Variants in ZNF726 observed in about 807,000 individuals in gnomAD.
The protein encoded by ZNF726 is zinc finger protein 726.
In ZNF726, 15 loss-of-function variants were observed where a neutral mutation model predicts 11.6. The observed-to-expected ratio is 1.29, with a 90% CI of 0.86 to 1.99. The LOEUF (loss-of-function observed/expected upper bound fraction) is 1.99, where lower values mean the gene tolerates loss of function less well. ZNF726 is among the 30% of genes most tolerant of loss of function. The pLI is 0.00. For missense variants in ZNF726, 890 were observed against 725.6 expected (o/e 1.23, Z -2.60); for synonymous variants, 295 against 243.6 (o/e 1.21, Z -1.96).
Position 23,934,336 on chromosome 19 carries a change from T to A in ZNF726, c.*369T>A, listed in dbSNP as rs1170667086. On this transcript the variant is annotated 3_prime_UTR_variant, in exon 4 of 4. Transcript: ENST00000594466. ...AGGAATGTGGCAAAGCCTTTAAATG[T>A]TCCTCAACTGTTACTGAACATAAAG... 3.5e-6 allele frequency: 2 copies of A among 565,724 alleles called. No individual in the cohort carries two copies. The highest frequency in any genetic ancestry group is 7.0e-6 in the Non-Finnish European group (2 of 285,006). The allele number at this position is 565,724 out of a possible 1,614,324, so 35.0% of individuals were successfully genotyped here. A position where few individuals can be genotyped will look rare whatever the true frequency, so the allele number is the denominator to read the frequency against.
intron 3 of ZNF726, among the ~76,000 whole-genome samples, chr19:23,925,439 A>G (rs1967961654): frequency 6.6e-6 from 1 of 151,744 alleles, no homozygotes; most frequent in Non-Finnish European, 1.5e-5. Context: ...GGATTCACCC[A>G]CCTCTGCCTC....
intron 3 of ZNF726, among the ~76,000 whole-genome samples, chr19:23,942,457 G>A (rs1053767757): frequency 1.3e-5 from 2 of 152,102 alleles, no homozygotes. Flanking sequence ...TAAATGTTTT[G>A]TATATACCTG....
At chr19:23,925,070 G>T (rs1967950498) in intron 3 of ZNF726, among the ~76,000 whole-genome samples, 1 of 152,194 alleles carries the variant, frequency 6.6e-6, no homozygotes, top group African/African-American at 2.4e-5. Context: ...TTTTACAAGT[G>T]TAATTGTCTT....
At chr19:23,942,984 C>A (rs1968361839) in intron 3 of ZNF726, among the ~76,000 whole-genome samples, 1 of 152,112 alleles carries the variant, frequency 6.6e-6, no homozygotes, top group African/African-American at 2.4e-5. Flanking sequence ...TTACATTCAT[C>A]ATGCTCTTTG....
At chr19:23,926,377 A>G (rs952425633) in intron 3 of ZNF726, among the ~76,000 whole-genome samples, 34 of 151,592 alleles carry the variant, frequency 2.2e-4, no homozygotes, top group Non-Finnish European at 3.7e-4. Context: ...ACGTGGTGAA[A>G]CCCCGTCTCT....
Position 23,933,004 on chromosome 19 carries a change from A to G in ZNF726, c.888A>G (p.Gln296=), listed in dbSNP as rs754692308. ...AAGAATGTGGCAAAGCATTTAGCCAACCCTCAGCACTAACCATACATAAGA... is the reference window on the plus strand; with the variant it reads ...AAGAATGTGGCAAAGCATTTAGCCAGCCCTCAGCACTAACCATACATAAGA... ...KCEECGKAFS[Q]PSALTIHKRM... The change falls in exon 4 of 4, where the codon CAA becomes CAG. Residue 296 remains glutamine (Q), a synonymous_variant. Transcript: ENST00000594466. 11 of 1,612,164 alleles carry G rather than the reference A, an allele frequency of 6.8e-6. No homozygotes were observed. The highest frequency in any genetic ancestry group is 8.5e-6 in the Non-Finnish European group (10 of 1,179,750).
At chr19:23,923,758 A>T (rs188666874) in intron 3 of ZNF726, 1 of 154,748 alleles carries the variant, frequency 6.5e-6, no homozygotes, top group Non-Finnish European at 1.4e-5. Flanking sequence ...ATTATTTGTT[A>T]ATGTACATAA....
chr19:23,933,600 C>T lies in ZNF726; in HGVS notation c.1484C>T (p.Thr495Ile), dbSNP rs145688653. 28,594 of 1,607,512 alleles carry T rather than the reference C, an allele frequency of 0.018. 323 individuals are homozygous for T. Among genetic ancestry groups the T allele is most frequent in the Non-Finnish European group, 0.02 (24,057 of 1,178,216 alleles). ...GGCAAAGCTTTTAGCCAGTCCTCAACCCTTACTGCACATAAGATAATTCAT... is the reference window on the plus strand; with the variant it reads ...GGCAAAGCTTTTAGCCAGTCCTCAATCCTTACTGCACATAAGATAATTCAT... Reference protein sequence around the residue: ...ECGKAFSQSSTLTAHKIIHTG... With the variant: ...ECGKAFSQSSILTAHKIIHTG... Residue 495 changes from threonine (T) to isoleucine (I), a missense_variant, in exon 4 of 4, where the codon ACC becomes ATC. Thr to Ile is a moderately conservative substitution (Grantham distance 89). Coordinates refer to ENST00000594466, the MANE Select transcript of ZNF726 (RefSeq NM_001244038.2).
chr19:23,937,122 T>G (rs1968249697), downstream of ZNF726, among the ~76,000 whole-genome samples: 1 of 146,876 alleles, frequency 6.8e-6, no homozygotes. Flanking sequence ...CCGGGGCGGC[T>G]GGCCGGGCGG....
At position 23,933,665 on chromosome 19, in the gene ZNF726, G is replaced by A. The variant is rs1270475203; in HGVS notation, c.1549G>A (p.Ala517Thr). ...CTACAAATGTGAAGAATGTGGCAAAGCATTTATATTGTCCTCGACCCTATC... is the reference window on the plus strand; with the variant it reads ...CTACAAATGTGAAGAATGTGGCAAAACATTTATATTGTCCTCGACCCTATC... ...KPYKCEECGKAFILSSTLSKH... is the reference protein window; with the variant it reads ...KPYKCEECGKTFILSSTLSKH... Residue 517 changes from alanine (A) to threonine (T), a missense_variant, in exon 4 of 4, where the codon GCA (alanine) becomes ACA (threonine). Physicochemically the swap from Ala to Thr is moderately conservative, Grantham distance 58. Transcript: ENST00000594466. 5 of 1,612,148 alleles carry A rather than the reference G, an allele frequency of 3.1e-6. No homozygotes were observed. The highest frequency in any genetic ancestry group is 1.3e-5 in the African/African-American group (1 of 74,782).
chr19:23,932,821 C>T lies in ZNF726; in HGVS notation c.705C>T (p.Gly235=). ...AGCCCTACAAATGTGAAGAATATGG[C>T]AAAGCTTTTAATCAATCCTCAAATT... The part of the protein sequence containing the change: ...EEKPYKCEEY[G]KAFNQSSNYT... The change falls in exon 4 of 4, where the codon GGC becomes GGT. Residue 235 remains glycine, a synonymous_variant. Transcript: ENST00000594466. 2.5e-6 allele frequency: 4 copies of T among 1,608,030 alleles called. No homozygotes were observed. The highest frequency in any genetic ancestry group is 3.4e-6 in the Non-Finnish European group (4 of 1,177,312).
chr19:23,919,912 T>C, intron 2 of ZNF726, 75 bp from the exon 3 acceptor site: 1 of 987,844 alleles, frequency 1.0e-6, no homozygotes, highest in Non-Finnish European at 1.5e-6. Flanking sequence ...TTATATCCCT[T>C]TTACTTTGCA....
downstream of ZNF726, chr19:23,934,589 T>C: frequency 3.1e-6 from 1 of 322,578 alleles, no homozygotes; most frequent in Non-Finnish European, 6.0e-6. Flanking sequence ...TGTACAGTGG[T>C]ATTCCTGTGG....
intron 3 of ZNF726, chr19:23,923,783 T>C (rs1967915599): frequency 6.5e-6 from 1 of 153,584 alleles, no homozygotes; most frequent in South Asian, 2.0e-4. Flanking sequence ...TGCCAACTAG[T>C]TGTAATGAGT....
chr19:23,925,344 A>G (rs1967959391), intron 3 of ZNF726, among the ~76,000 whole-genome samples: 1 of 152,096 alleles, frequency 6.6e-6, no homozygotes, highest in South Asian at 2.1e-4. Flanking sequence ...TTTTCCACCG[A>G]CAATCAACCC....
rs1432577848 is a variant in ZNF726 at position 23,934,277 on chromosome 19, A to C, written c.*310A>C. The C allele has an allele frequency of 1.5e-6, 1 of 652,502 alleles. No individual in the cohort carries two copies. Among genetic ancestry groups the C allele is most frequent in the African/African-American group, 1.8e-5 (1 of 56,220 alleles). The allele number at this position is 652,502 out of a possible 1,614,324, so 40.4% of individuals were successfully genotyped here. A position where few individuals can be genotyped will look rare whatever the true frequency, so the allele number is the denominator to read the frequency against. ...GTCCACACCCCTAAGTAGACATAAG[A>C]GGATGCACACTGGAGAGAAACCTTA... On this transcript the variant is annotated 3_prime_UTR_variant, in exon 4 of 4. Transcript: ENST00000594466.
At chr19:23,922,478 G>A (rs1184092517) in intron 3 of ZNF726, among the ~76,000 whole-genome samples, 2 of 152,200 alleles carry the variant, frequency 1.3e-5, no homozygotes, top group Non-Finnish European at 1.5e-5. Flanking sequence ...GGAAGGGCAG[G>A]ACCCACGCTG....
At chr19:23,927,636 C>T (rs1422767634) in intron 3 of ZNF726, among the ~76,000 whole-genome samples, 1 of 152,024 alleles carries the variant, frequency 6.6e-6, no homozygotes, top group Admixed American at 6.6e-5. Flanking sequence ...GGACTACAAA[C>T]ATAACGTACC....
At chr19:23,937,092 C>A (rs1029631724), downstream of ZNF726, among the ~76,000 whole-genome samples, 12 of 145,860 alleles carry the variant, frequency 8.2e-5, no homozygotes, top group African/African-American at 3.0e-4. Context: ...GGGGGCTGAC[C>A]CCCCCCACCT....
Sources: gnomAD v4.1 joint callset for allele counts (sites outside exome capture counted in the v4.1 genomes callset) on GRCh38, gnomAD v4.1.1 for gene constraint, MANE v1.5 for transcripts, NCBI Gene and HGNC (gene_info 2026-07-23, HGNC 2026-07-21) for gene names.